TAF6: variants seen among roughly 807,000 people sequenced by gnomAD.
The protein encoded by TAF6 is transcription initiation factor TFIID subunit 6.
TAF6 carries 50 observed loss-of-function variants against 73.5 expected under a neutral mutation model. The ratio of observed to expected loss-of-function variants is 0.68; its 90% CI spans 0.54 to 0.86. The LOEUF (loss-of-function observed/expected upper bound fraction) is 0.86, where lower values mean the gene tolerates loss of function less well. Ranked by LOEUF, TAF6 falls within the 40% of genes least tolerant of loss-of-function variation. TAF6 has a pLI of 0.00. For synonymous variants in TAF6, 424 were observed against 376.7 expected (o/e 1.13, Z -1.45); for missense variants, 768 against 899.5 (o/e 0.85, Z 1.87).
chr7:100,124,173 T>C (rs1156863752), upstream of TAF6, among the ~76,000 whole-genome samples: 1 of 151,440 alleles, frequency 6.6e-6, no homozygotes, highest in Non-Finnish European at 1.5e-5. Flanking sequence ...GCTAATGATA[T>C]CCACCATCAC....
intron 9 of TAF6, 124 bp from the exon 10 acceptor site, chr7:100,111,445 C>G: frequency 8.2e-7 from 1 of 1,215,576 alleles, no homozygotes; most frequent in Non-Finnish European, 1.1e-6. Flanking sequence ...ATCAATCTCC[C>G]GGGCTCAAGC....
Position 100,107,685 on chromosome 7 carries a change from C to T in TAF6, c.1657-62G>A, listed in dbSNP as rs185847732. ...CCCTCCCTGCCCCCCAGAGGCCTGG[C>T]GAGGACGCTTCACTCGCTCCCTGCC... is the stretch of plus-strand genomic sequence containing the variant. On this transcript the variant is annotated intron_variant, in intron 14 of 14. Transcript: ENST00000453269. 102 of 1,578,206 alleles carry T rather than the reference C, an allele frequency of 6.5e-5. No homozygotes were observed. In the African/African-American group the frequency reaches 7.2e-4, roughly 11 times the overall value.
At chr7:100,124,735 G>A (rs1798168031), upstream of TAF6, 7 of 1,613,862 alleles carry the variant, frequency 4.3e-6, no homozygotes, top group East Asian at 1.3e-4. Flanking sequence ...CATGTCTACA[G>A]GAAACTTGGA....
chr7:100,117,649 G>A (rs1374294625), intron 1 of TAF6, among the ~76,000 whole-genome samples: 1 of 152,082 alleles, frequency 6.6e-6, no homozygotes, highest in Non-Finnish European at 1.5e-5. Context: ...TGAAGTAAAT[G>A]AATTAGTTGT....
At position 100,119,246 on chromosome 7, in the gene TAF6, C is replaced by T. The variant is rs1295416163; in HGVS notation, c.-102G>A. On this transcript the variant is annotated 5_prime_UTR_variant, in exon 1 of 15. Coordinates refer to ENST00000453269, the MANE Select transcript of TAF6 (RefSeq NM_139315.3). ...CCACAAGGGACCTTCAAAGGGTCTCCTCCGGGGTACCACTCAGACCCGCCC... is the reference window on the plus strand; with the variant it reads ...CCACAAGGGACCTTCAAAGGGTCTCTTCCGGGGTACCACTCAGACCCGCCC... 1 of 1,009,918 alleles carries T rather than the reference C, an allele frequency of 9.9e-7. No homozygotes were observed. Among genetic ancestry groups the T allele is most frequent in the Non-Finnish European group, 1.2e-6 (1 of 844,398 alleles). The allele number at this position is 1,009,918 out of a possible 1,614,324, so 62.6% of individuals were successfully genotyped here. A position where few individuals can be genotyped will look rare whatever the true frequency, so the allele number is the denominator to read the frequency against.
At chr7:100,125,924 C>T in the TAF6 span, among the ~76,000 whole-genome samples, 1 of 152,210 alleles carries the variant, frequency 6.6e-6, no homozygotes, top group East Asian at 1.9e-4. Context: ...CGGTGACTCA[C>T]GCCTGTAATC....
In TAF6 at chr7:100,113,348, C is replaced by T. The variant is rs1296595454; in HGVS notation, c.454+1G>A. The stretch of plus-strand genomic sequence containing the variant: ...CCCAGAGGGTGGGGCATGGAGGTTA[C>T]CTGGGGGCGGGTTCTCGGGGATAGC... On this transcript the variant is annotated splice_donor_variant, in intron 5 of 14. Transcript: ENST00000453269. LOFTEE classifies it high-confidence loss of function. The T allele has an allele frequency of 6.3e-7, 1 of 1,591,662 alleles. No individual in the cohort carries two copies. The highest frequency in any genetic ancestry group is 8.6e-7 in the Non-Finnish European group (1 of 1,169,208).
Position 100,108,534 on chromosome 7 carries a change from A to G in TAF6, c.1291T>C (p.Cys431Arg). The G allele has an allele frequency of 6.2e-7, 1 of 1,607,144 alleles. No individual in the cohort carries two copies. Residue 431 changes from cysteine (C) to arginine (R), a missense_variant, in exon 13 of 15, where the codon TGT (cysteine) becomes CGT (arginine). Coordinates refer to ENST00000453269, the MANE Select transcript of TAF6 (RefSeq NM_139315.3). ...CGCAGCTTTGCCAGAACAGGAGCACAGTGTTTCTGCAGAACAGAAAAAAAG... is the reference window on the plus strand; with the variant it reads ...CGCAGCTTTGCCAGAACAGGAGCACGGTGTTTCTGCAGAACAGAAAAAAAG... ...DHVQSLLLKHCAPVLAKLRPP... is the reference protein window; with the variant it reads ...DHVQSLLLKHRAPVLAKLRPP...
intron 1 of TAF6, chr7:100,118,773 G>A (rs1424938096): frequency 1.2e-6 from 1 of 817,142 alleles, no homozygotes. Context: ...TGGAAGGATG[G>A]GAAGAGGGAG....
Position 100,112,265 on chromosome 7 carries a change from G to C in TAF6, c.575-12C>G, listed in dbSNP as rs1797253770. ...CTTCTTCTCTTTCCCTGTGTGATTG[G>C]AAAGGTGGGTCTGACAAAGAAAGCT... On this transcript the variant is annotated splice_polypyrimidine_tract_variant and intron_variant, in intron 6 of 14. Coordinates refer to ENST00000453269, the MANE Select transcript of TAF6 (RefSeq NM_139315.3). 5.6e-6 allele frequency: 9 copies of C among 1,609,182 alleles called. No homozygotes were observed. Among genetic ancestry groups the C allele is most frequent in the Non-Finnish European group, 7.6e-6 (9 of 1,178,032 alleles).
chr7:100,114,057 T>C lies in TAF6; in HGVS notation c.153A>G (p.Ala51=), dbSNP rs1797460275. Residue 51 remains alanine, a synonymous_variant, in exon 2 of 15, where the codon GCA becomes GCG. Coordinates refer to ENST00000453269, the MANE Select transcript of TAF6 (RefSeq NM_139315.3). ...DEVSYRIKEI[A]QDALKFMHMG... is the part of the protein sequence containing the mutation. The stretch of plus-strand genomic sequence containing the variant: ...CTGGACAGAAGGGCCGGGTCACCTG[T>C]GCGATCTCTTTGATGCGGTAGCTGA... The C allele has an allele frequency of 1.2e-6, 2 of 1,614,104 alleles. No individual in the cohort carries two copies. Among genetic ancestry groups the C allele is most frequent in the South Asian group, 2.2e-5 (2 of 91,084 alleles).
chr7:100,112,981 G>A, intron 5 of TAF6, 64 bp from the exon 6 acceptor site: 2 of 1,561,276 alleles, frequency 1.3e-6, no homozygotes, highest in South Asian at 2.4e-5. Context: ...AAGGTGGGAG[G>A]AGGCCGGATG....
rs754383689 is a variant in TAF6, at chr7:100,107,418, G to C, written c.1862C>G (p.Pro621Arg). 6.2e-7 allele frequency: 1 copy of C among 1,608,476 alleles called. No homozygotes were observed. The change falls in exon 15 of 15, where the codon CCC becomes CGC. Residue 621 changes from proline (P) to arginine (R), a missense_variant. Coordinates refer to ENST00000453269, the MANE Select transcript of TAF6 (RefSeq NM_139315.3). ...AGGAACTGGAGAAGGATGGGAGGTG[G>C]GGCCTCCTTTGCCCTCCCCTGTTGG... ...LPPTGEGKGGPTSHPSPVPPP... is the reference protein window; with the variant it reads ...LPPTGEGKGGRTSHPSPVPPP...
At chr7:100,116,390 G>C (rs1309801898) in intron 1 of TAF6, 2 of 152,098 alleles carry the variant, frequency 1.3e-5, no homozygotes, top group African/African-American at 4.8e-5. Flanking sequence ...TGTAATCCTA[G>C]CACTTTGGGA....
chr7:100,109,099 G>C (rs1796904412), intron 12 of TAF6: 1 of 151,180 alleles, frequency 6.6e-6, no homozygotes. Context: ...GAGGCTGGCA[G>C]ATCACCTGAG....
chr7:100,123,723 T>C (rs1327069988), upstream of TAF6, among the ~76,000 whole-genome samples: 2 of 152,152 alleles, frequency 1.3e-5, no homozygotes, highest in Non-Finnish European at 2.9e-5. Flanking sequence ...GGTTTCATCA[T>C]GTTGGCCAGG....
chr7:100,111,375 T>TA (rs1436272095), intron 9 of TAF6, 54 bp from the exon 10 acceptor site: 2 of 1,581,308 alleles, frequency 1.3e-6, no homozygotes, highest in African/African-American at 1.3e-5. Context: ...CTGCTTGAGA[T>TA]AAAGTCTTGC....
upstream of TAF6, chr7:100,119,418 AGAATAAGTCCTCTAG>A: frequency 1.7e-6 from 2 of 1,184,198 alleles, no homozygotes; most frequent in Non-Finnish European, 2.1e-6. Flanking sequence ...TCCCCGTACC[AGAATAAGTCCTCTAG>A]GCTCGCAGAA....
chr7:100,122,569 T>TA, upstream of TAF6: 1 of 1,608,556 alleles, frequency 6.2e-7, no homozygotes, highest in Non-Finnish European at 8.5e-7. Context: ...CTCACTGAGA[T>TA]ATGCCAAGGT....
Sources: allele counts gnomAD v4.1 joint callset (sites outside exome capture counted in the v4.1 genomes callset), GRCh38; gene constraint gnomAD v4.1.1; transcripts MANE v1.5; gene names NCBI Gene and HGNC (gene_info 2026-07-23, HGNC 2026-07-21).